The following MAP3K5 variants were observed in gnomAD, a reference collection of about 807,000 sequenced individuals.
MAP3K5 encodes mitogen-activated protein kinase kinase kinase 5, also known as ASK-1.
Under a neutral mutation model 158.7 loss-of-function variants are expected in MAP3K5, and 56 were observed. That is an observed-to-expected ratio of 0.35 (90% CI 0.28 to 0.44). The LOEUF is 0.44. Among genes scored for constraint, MAP3K5 ranks in the 20% least tolerant of loss-of-function variants. The probability of loss-of-function intolerance (pLI) is 1.00; values close to 1 mark genes in which losing one functional copy is unlikely to be tolerated. For synonymous variants in MAP3K5, 579 were observed against 601.7 expected (o/e 0.96, Z 0.55); for missense variants, 1,294 against 1,674.8 (o/e 0.77, Z 3.97).
At chr6:136,603,531 A>T (rs946207663) in intron 19 of MAP3K5, among the ~76,000 whole-genome samples, 3 of 152,188 alleles carry the variant, frequency 2.0e-5, no homozygotes, top group Non-Finnish European at 2.9e-5. Flanking sequence ...AGGCACAAGC[A>T]GGTTAAATAA....
At chr6:136,612,619 GTTA>G (rs1245774285) in intron 17 of MAP3K5, among the ~76,000 whole-genome samples, 1 of 152,158 alleles carries the variant, frequency 6.6e-6, no homozygotes, top group Non-Finnish European at 1.5e-5. Flanking sequence ...AGAATGTAAA[GTTA>G]TTATTTTAGC....
At chr6:136,761,308 C>A (rs3041756) in intron 1 of MAP3K5, among the ~76,000 whole-genome samples, 936 of 81,054 alleles carry the variant, frequency 0.012, 9 homozygotes, top group African/African-American at 0.037. Context: ...AAAAAAAAAA[C>A]GAACAGTCAG....
chr6:136,773,849 C>T (rs1353582121), intron 1 of MAP3K5, among the ~76,000 whole-genome samples: 1 of 151,984 alleles, frequency 6.6e-6, no homozygotes, highest in African/African-American at 2.4e-5. Flanking sequence ...GGTTTCTCCA[C>T]GTTGGCCAGG....
intron 15 of MAP3K5, among the ~76,000 whole-genome samples, chr6:136,621,561 G>A (rs1776803120): frequency 6.6e-6 from 1 of 152,174 alleles, no homozygotes; most frequent in African/African-American, 2.4e-5. Context: ...AGCAGTCAGG[G>A]AGGGGAAGAG....
At chr6:136,782,921 C>T (rs1784678110) in intron 1 of MAP3K5, among the ~76,000 whole-genome samples, 1 of 152,200 alleles carries the variant, frequency 6.6e-6, no homozygotes, top group African/African-American at 2.4e-5. Flanking sequence ...AGCTTTGTCT[C>T]ATATCCTTCC....
At chr6:136,789,146 T>A (rs1784963851) in intron 1 of MAP3K5, among the ~76,000 whole-genome samples, 1 of 151,824 alleles carries the variant, frequency 6.6e-6, no homozygotes, top group East Asian at 1.9e-4. Flanking sequence ...AAAAACATAG[T>A]AAAATAAAAT....
At chr6:136,658,165 G>C (rs1460414173) in intron 9 of MAP3K5, among the ~76,000 whole-genome samples, 1 of 152,136 alleles carries the variant, frequency 6.6e-6, no homozygotes, top group Non-Finnish European at 1.5e-5. Flanking sequence ...AAACAGCCGA[G>C]TCGGTGGCCT....
At chr6:136,731,709 T>A (rs569941335) in intron 1 of MAP3K5, among the ~76,000 whole-genome samples, 1 of 152,232 alleles carries the variant, frequency 6.6e-6, no homozygotes, top group East Asian at 1.9e-4. Flanking sequence ...AGAAGCTGCA[T>A]GATAACGAAG....
chr6:136,570,338 C>T (rs763353545), intron 25 of MAP3K5, among the ~76,000 whole-genome samples: 2 of 152,190 alleles, frequency 1.3e-5, no homozygotes, highest in Admixed American at 6.5e-5. Context: ...TAACTGCCCA[C>T]TTTTAAGCTG....
Position 136,656,653 on chromosome 6 carries a change from C to T in MAP3K5, c.1527-193G>A, listed in dbSNP as rs527683572. Among the ~76,000 whole-genome samples, 184 of 151,436 alleles carry T rather than the reference C, an allele frequency of 1.2e-3. No individual in the cohort carries two copies. The Middle Eastern group carries it at 0.017, about 14-fold the overall frequency. ...TTTTTTTTTAATGTTGAAACAGAGT[C>T]TCGCTCTGTCGCCCAGGCTGGAGTG... On this transcript the variant is annotated intron_variant, in intron 9 of 29. Coordinates refer to ENST00000359015, the MANE Select transcript of MAP3K5 (RefSeq NM_005923.4).
chr6:136,708,247 G>A (rs115929309), intron 2 of MAP3K5, among the ~76,000 whole-genome samples: 2,041 of 151,638 alleles, frequency 0.013, 39 homozygotes, highest in African/African-American at 0.046. Context: ...ATGTTACTTA[G>A]TATTAATTAT....
chr6:136,720,368 C>A, intron 2 of MAP3K5, 82 bp downstream of exon 2: 2 of 1,260,658 alleles, frequency 1.6e-6, no homozygotes, highest in Non-Finnish European at 2.1e-6. Flanking sequence ...CAAATAAAAG[C>A]TACTTAAAAT....
At chr6:136,684,063 C>T (rs1295465433) in intron 7 of MAP3K5, among the ~76,000 whole-genome samples, 2 of 151,954 alleles carry the variant, frequency 1.3e-5, no homozygotes, top group Non-Finnish European at 2.9e-5. Context: ...GAGATCCCAT[C>T]TCTACAAAAA....
At chr6:136,694,492 T>C (rs971821530) in intron 6 of MAP3K5, among the ~76,000 whole-genome samples, 182 bp from the exon 7 acceptor site, 14 of 152,258 alleles carry the variant, frequency 9.2e-5, no homozygotes, top group African/African-American at 3.1e-4. Flanking sequence ...TTTTATCCCA[T>C]TGTATGTCTA....
chr6:136,759,481 T>TATATATATAA (rs1158953652), intron 1 of MAP3K5, among the ~76,000 whole-genome samples: 2 of 143,016 alleles, frequency 1.4e-5, no homozygotes, highest in African/African-American at 5.2e-5. Flanking sequence ...TATATATATA[T>TATATATATAA]AAAGTTTGAG....
At chr6:136,693,677 A>G (rs1780482325) in intron 7 of MAP3K5, among the ~76,000 whole-genome samples, 1 of 152,124 alleles carries the variant, frequency 6.6e-6, no homozygotes, top group African/African-American at 2.4e-5. Flanking sequence ...AATGAATTTC[A>G]TCAAATTATT....
intron 7 of MAP3K5, among the ~76,000 whole-genome samples, chr6:136,678,533 A>G (rs1779798501): frequency 6.6e-6 from 1 of 152,246 alleles, no homozygotes; most frequent in Non-Finnish European, 1.5e-5. Flanking sequence ...AAAACTATCT[A>G]TAAAGATAGA....
intron 7 of MAP3K5, among the ~76,000 whole-genome samples, chr6:136,692,196 C>T (rs1780418077): frequency 6.6e-6 from 1 of 152,036 alleles, no homozygotes; most frequent in Admixed American, 6.6e-5. Context: ...AACATGCCAC[C>T]ACACCCAGGT....
At chr6:136,615,022 TAA>T (rs750295328) in intron 15 of MAP3K5, among the ~76,000 whole-genome samples, 10 of 152,226 alleles carry the variant, frequency 6.6e-5, no homozygotes, top group African/African-American at 1.2e-4. Flanking sequence ...ATTCAAATTA[TAA>T]AAGTTATTTT....
Sources: allele counts gnomAD v4.1 joint callset (sites outside exome capture counted in the v4.1 genomes callset), GRCh38; gene constraint gnomAD v4.1.1; transcripts MANE v1.5; gene names NCBI Gene and HGNC (gene_info 2026-07-23, HGNC 2026-07-21).